TOX: variants seen among roughly 807,000 people sequenced by gnomAD.
The protein encoded by TOX is thymocyte selection-associated high mobility group box protein TOX.
In TOX, 11 loss-of-function variants were observed where a neutral mutation model predicts 53.7. The observed-to-expected ratio is 0.20, with a 90% CI of 0.13 to 0.34. The LOEUF is 0.34. Ranked by LOEUF, TOX falls within the 10% of genes least tolerant of loss-of-function variation. The pLI is 1.00. For synonymous variants in TOX, 225 were observed against 245.3 expected (o/e 0.92, Z 0.77); for missense variants, 570 against 664.6 (o/e 0.86, Z 1.56).
chr8:59,069,100 G>A (rs1400855616), intron 1 of TOX, among the ~76,000 whole-genome samples: 5 of 152,196 alleles, frequency 3.3e-5, no homozygotes, highest in Admixed American at 2.6e-4. Context: ...TGCAAGCCTT[G>A]CAAGAGAGTT....
At chr8:58,909,736 C>T (rs1811879203) in intron 3 of TOX, among the ~76,000 whole-genome samples, 1 of 151,664 alleles carries the variant, frequency 6.6e-6, no homozygotes, top group East Asian at 1.9e-4. Flanking sequence ...TGGCTCACTG[C>T]AACCTCCACC....
rs1491588338 is a variant in TOX, at chr8:58,873,958, C to CTCTTTTTTTTTTTT, written c.412-22154_412-22153insAAAAAAAAAAAAGA. Among the ~76,000 whole-genome samples, 14 of 40,128 alleles carry CTCTTTTTTTTTTTT rather than the reference C, an allele frequency of 3.5e-4. 1 individual carries two copies. The highest frequency in any genetic ancestry group is 2.4e-3 in the African/African-American group (14 of 5,784). The allele number at this position is 40,128 out of a possible 152,430, so 26.3% of individuals were successfully genotyped here. On this transcript the variant is annotated intron_variant, in intron 3 of 8. Transcript: ENST00000361421. ...AATACACATCCTGAATGCCAGGAAG[C>CTCTTTTTTTTTTTT]TTTTTTTTTTTTTTTTTTTTTTTTT...
Position 58,998,517 on chromosome 8 carries a change from A to T in TOX, c.103-38509T>A, listed in dbSNP as rs1043670702. Among the ~76,000 whole-genome samples, 80 of 121,414 alleles carry T rather than the reference A, an allele frequency of 6.6e-4. 1 individual carries two copies. The highest frequency in any genetic ancestry group is 2.8e-3 in the East Asian group (12 of 4,310). 79.7% of individuals were successfully genotyped at this position (121,414 alleles called of 152,430 possible). ...AGTATATATATATATATATATATAT[A>T]TATATATATATATATATATATAAAT... On this transcript the variant is annotated intron_variant, in intron 1 of 8. Transcript: ENST00000361421.
At position 58,907,410 on chromosome 8, in the gene TOX, A is replaced by G. The variant is rs936499074; in HGVS notation, c.411+31892T>C. Among the ~76,000 whole-genome samples the G allele has an allele frequency of 3.3e-5, 5 of 152,318 alleles. No homozygotes were observed. The South Asian group carries it at 8.3e-4, about 25-fold the overall frequency. On this transcript the variant is annotated intron_variant, in intron 3 of 8. Transcript: ENST00000361421. ...GGAGTTTGAGACCAGCCTGACCAAC[A>G]TGGTGAAACTTCATCTCTACTAAAA...
chr8:59,019,622 A>G, intron 1 of TOX, among the ~76,000 whole-genome samples: 1 of 150,360 alleles, frequency 6.7e-6, no homozygotes, highest in East Asian at 1.9e-4. Flanking sequence ...ATTTGTAAGT[A>G]AAACAAAAAT....
chr8:59,108,655 AACACAC>A (rs3084429), intron 1 of TOX, among the ~76,000 whole-genome samples: 12,185 of 147,418 alleles, frequency 0.083, 793 homozygotes, highest in African/African-American at 0.18. Context: ...TCATAAAGGA[AACACAC>A]ACACACACAC....
At chr8:58,889,442 T>G (rs1811526263) in intron 3 of TOX, among the ~76,000 whole-genome samples, 1 of 151,858 alleles carries the variant, frequency 6.6e-6, no homozygotes, top group Non-Finnish European at 1.5e-5. Context: ...GGAATAAGAA[T>G]CTGTAAGCTC....
chr8:58,965,885 C>T (rs977205845), intron 1 of TOX, among the ~76,000 whole-genome samples: 17 of 110,018 alleles, frequency 1.5e-4, no homozygotes, highest in South Asian at 1.3e-3. Flanking sequence ...TATAAGATTA[C>T]GAGTCATCGT....
chr8:59,023,803 AT>A (rs1255076569), intron 1 of TOX, among the ~76,000 whole-genome samples: 6 of 152,190 alleles, frequency 3.9e-5, no homozygotes, highest in African/African-American at 1.4e-4. Context: ...TTCTAAAAAA[AT>A]GTCATACCCT....
At chr8:58,972,839 A>G (rs1255180897) in intron 1 of TOX, among the ~76,000 whole-genome samples, 1 of 152,222 alleles carries the variant, frequency 6.6e-6, no homozygotes, top group African/African-American at 2.4e-5. Flanking sequence ...TTTACCATTA[A>G]GTAAATTAAT....
At chr8:59,110,357 T>C (rs1230522381) in intron 1 of TOX, among the ~76,000 whole-genome samples, 4 of 151,876 alleles carry the variant, frequency 2.6e-5, no homozygotes. Context: ...GGCTGAGGTG[T>C]ATTGGTATAG....
Position 58,851,179 on chromosome 8 carries a change from TCTCTCTCACACACA to T in TOX, c.693+331_693+344del, listed in dbSNP as rs1185516447. On this transcript the variant is annotated intron_variant, in intron 4 of 8. Coordinates refer to ENST00000361421, the MANE Select transcript of TOX (RefSeq NM_014729.3). The surrounding 1 kb of genome is among the most constrained non-coding windows in gnomAD (Gnocchi z 4.4). ...CTCTGTCTCTCTCTCTCTCTCTCTC[TCTCTCTCACACACA>T]CACACACACACACACACACGACCTT... Among the ~76,000 whole-genome samples the T allele has an allele frequency of 1.4e-5, 2 of 143,956 alleles. No individual in the cohort carries two copies. Among genetic ancestry groups the T allele is most frequent in the African/African-American group, 5.5e-5 (2 of 36,408 alleles). 94.4% of individuals were successfully genotyped at this position (143,956 alleles called of 152,430 possible).
chr8:59,104,566 G>T (rs968520701), intron 1 of TOX, among the ~76,000 whole-genome samples: 6 of 152,188 alleles, frequency 3.9e-5, no homozygotes, highest in Non-Finnish European at 5.9e-5. Flanking sequence ...CTCAGATGAA[G>T]AGCAAGAGGC....
At chr8:59,092,317 AC>A (rs933971972) in intron 1 of TOX, among the ~76,000 whole-genome samples, 6 of 112,406 alleles carry the variant, frequency 5.3e-5, no homozygotes, top group East Asian at 2.3e-4. Context: ...TATTATATAT[AC>A]ATATATATAT....
At chr8:58,960,771 A>T (rs1812785048) in intron 1 of TOX, among the ~76,000 whole-genome samples, 2 of 152,226 alleles carry the variant, frequency 1.3e-5, no homozygotes, top group Admixed American at 6.5e-5. Context: ...AACAATAACA[A>T]CAACAAAATA....
At chr8:59,075,206 A>G (rs929719225) in intron 1 of TOX, among the ~76,000 whole-genome samples, 1 of 152,202 alleles carries the variant, frequency 6.6e-6, no homozygotes, top group African/African-American at 2.4e-5. Flanking sequence ...TTGGCTTTGG[A>G]AATGTCGGCC....
At chr8:59,105,427 C>T (rs1804884079) in intron 1 of TOX, among the ~76,000 whole-genome samples, 1 of 151,880 alleles carries the variant, frequency 6.6e-6, no homozygotes, top group Non-Finnish European at 1.5e-5. Flanking sequence ...AATAGTCTTC[C>T]ATAACATTAG....
intron 3 of TOX, among the ~76,000 whole-genome samples, chr8:58,930,513 G>A (rs1345051310): frequency 6.6e-6 from 1 of 152,142 alleles, no homozygotes; most frequent in Non-Finnish European, 1.5e-5. Flanking sequence ...TGCTGAATGG[G>A]GAAGGAAGGA....
chr8:59,011,335 A>T (rs17301816), intron 1 of TOX, among the ~76,000 whole-genome samples: 8,140 of 152,274 alleles, frequency 0.053, 275 homozygotes, highest in South Asian at 0.11. Context: ...TCTGTGTGGA[A>T]GATCCCTGCC....
Sources: gnomAD v4.1 joint callset for allele counts (sites outside exome capture counted in the v4.1 genomes callset) on GRCh38, gnomAD v4.1.1 for gene constraint, Gnocchi (gnomAD v3.1) non-coding constraint, MANE v1.5 for transcripts, NCBI Gene and HGNC (gene_info 2026-07-23, HGNC 2026-07-21) for gene names.